Variants in UBE3D observed in about 807,000 individuals in gnomAD.
UBE3D encodes the protein E3 ubiquitin-protein ligase E3D.
In UBE3D, 48 loss-of-function variants were observed where a neutral mutation model predicts 49.6. The observed-to-expected ratio is 0.97, with a 90% CI of 0.77 to 1.23. The LOEUF (loss-of-function observed/expected upper bound fraction) is 1.23, where lower values mean the gene tolerates loss of function less well. UBE3D is among the 50% of genes most tolerant of loss of function. The pLI is 0.00. For missense variants in UBE3D, 452 were observed against 468.4 expected (o/e 0.96, Z 0.32); for synonymous variants, 189 against 174.2 (o/e 1.08, Z -0.67).
At chr6:83,032,153 G>T in intron 5 of UBE3D, 1 of 455,326 alleles carries the variant, frequency 2.2e-6, no homozygotes. Context: ...ACCCCAGAAT[G>T]ATAGATCCAT....
intron 1 of UBE3D, among the ~76,000 whole-genome samples, chr6:83,058,276 G>C (rs773044080): frequency 1.3e-5 from 2 of 152,104 alleles, no homozygotes; most frequent in Non-Finnish European, 2.9e-5. Flanking sequence ...CTTCTGAGAA[G>C]AGCACTAAAA....
At chr6:82,974,794 A>AT (rs1199991832) in intron 8 of UBE3D, among the ~76,000 whole-genome samples, 1 of 151,598 alleles carries the variant, frequency 6.6e-6, no homozygotes, top group East Asian at 1.9e-4. Context: ...AAAAAAAAAA[A>AT]ACTTGTACTC....
At position 82,937,602 on chromosome 6, in the gene UBE3D, G is replaced by A. The variant is rs545296440; in HGVS notation, c.1149+19710C>T. 8.5e-4 allele frequency among the ~76,000 whole-genome samples: 130 copies of A among 152,254 alleles called. 1 individual carries two copies. The highest frequency in any genetic ancestry group is 3.1e-3 in the African/African-American group (129 of 41,568). Reference sequence around the variant, plus strand: ...TCACATTTTAGAAATCTTTCTTGGAGTAACTATACTTATAAGTAAAATACA... The same window carrying A: ...TCACATTTTAGAAATCTTTCTTGGAATAACTATACTTATAAGTAAAATACA... On this transcript the variant is annotated intron_variant, in intron 9 of 9. Coordinates refer to ENST00000369747, the MANE Select transcript of UBE3D (RefSeq NM_198920.3).
chr6:82,913,819 T>G (rs1272757128), intron 9 of UBE3D, among the ~76,000 whole-genome samples: 1 of 152,224 alleles, frequency 6.6e-6, no homozygotes, highest in African/African-American at 2.4e-5. Flanking sequence ...CATATAAGTA[T>G]GTCAATATTG....
chr6:82,975,197 T>G (rs1473336107), intron 8 of UBE3D, among the ~76,000 whole-genome samples: 1 of 152,128 alleles, frequency 6.6e-6, no homozygotes, highest in African/African-American at 2.4e-5. Flanking sequence ...CCTAATTACT[T>G]ACAATATCAA....
chr6:82,995,863 T>TG (rs796914021), intron 8 of UBE3D, among the ~76,000 whole-genome samples: 34 of 152,210 alleles, frequency 2.2e-4, no homozygotes, highest in African/African-American at 7.9e-4. Context: ...GGTCAGGACT[T>TG]GGAGACCAGC....
chr6:82,973,892 T>C (rs969339480), intron 8 of UBE3D, among the ~76,000 whole-genome samples: 1 of 152,112 alleles, frequency 6.6e-6, no homozygotes, highest in African/African-American at 2.4e-5. Flanking sequence ...CTGAACCCTA[T>C]TGTGAACTGT....
intron 5 of UBE3D, among the ~76,000 whole-genome samples, chr6:83,024,678 C>T (rs1245925213): frequency 6.6e-6 from 1 of 152,026 alleles, no homozygotes; most frequent in Non-Finnish European, 1.5e-5. Flanking sequence ...ATTGGAAGGC[C>T]ACAGTGATGT....
chr6:83,027,430 G>A (rs1336222966), intron 5 of UBE3D, among the ~76,000 whole-genome samples: 19 of 10,808 alleles, frequency 1.8e-3, no homozygotes, highest in Admixed American at 3.0e-3. Context: ...GCGAGACTCC[G>A]TCTCAAAAAA....
chr6:82,892,674 TC>T lies in UBE3D; in HGVS notation c.*347del. On this transcript the variant is annotated 3_prime_UTR_variant, in exon 10 of 10. Transcript: ENST00000369747. ...CCACCAATAAAATTCCTCACTGGAT[TC>T]CACACAGGACAGATGGATCTCCATT... The T allele has an allele frequency of 4.2e-6, 1 of 238,724 alleles. No individual in the cohort carries two copies. Among genetic ancestry groups the T allele is most frequent in the East Asian group, 1.0e-4 (1 of 9,918 alleles). The allele number at this position is 238,724 out of a possible 1,614,324, so 14.8% of individuals were successfully genotyped here. A position where few individuals can be genotyped will look rare whatever the true frequency, so the allele number is the denominator to read the frequency against.
chr6:82,902,018 T>G (rs1339179450), intron 9 of UBE3D, among the ~76,000 whole-genome samples: 1 of 152,224 alleles, frequency 6.6e-6, no homozygotes, highest in Non-Finnish European at 1.5e-5. Context: ...GGCATATGAC[T>G]AGACTGTGGC....
chr6:82,988,074 G>A (rs1778643628), intron 8 of UBE3D, among the ~76,000 whole-genome samples: 1 of 152,166 alleles, frequency 6.6e-6, no homozygotes, highest in Non-Finnish European at 1.5e-5. Context: ...CTCATATTTA[G>A]TAAAAGTATG....
chr6:83,052,405 C>A (rs1783527835), intron 3 of UBE3D, among the ~76,000 whole-genome samples: 1 of 152,134 alleles, frequency 6.6e-6, no homozygotes, highest in Non-Finnish European at 1.5e-5. Flanking sequence ...GGCAAATAAA[C>A]CTTAGACGAA....
chr6:83,005,086 C>T (rs574448648), intron 8 of UBE3D, among the ~76,000 whole-genome samples: 1 of 152,162 alleles, frequency 6.6e-6, no homozygotes, highest in African/African-American at 2.4e-5. Context: ...GCAAATCATA[C>T]ATCTCATAAG....
Position 82,957,438 on chromosome 6 carries a change from C to A in UBE3D, c.1023G>T (p.Leu341Phe), listed in dbSNP as rs767801320. ...GGTGGACGCTGATGTCACTTTCCCACAAGCTGACAAGTCTGGAACACACCA... is the reference window on the plus strand; with the variant it reads ...GGTGGACGCTGATGTCACTTTCCCAAAAGCTGACAAGTCTGGAACACACCA... Reference protein sequence around the residue: ...IKSRNEKLVSLWESDISVHPL... With the variant: ...IKSRNEKLVSFWESDISVHPL... The change falls in exon 9 of 10, where the codon TTG becomes TTT. Residue 341 changes from leucine to phenylalanine, a missense_variant. Leu to Phe is a conservative substitution (Grantham distance 22). Coordinates refer to ENST00000369747, the MANE Select transcript of UBE3D (RefSeq NM_198920.3). 1 of 1,613,908 alleles carries A rather than the reference C, an allele frequency of 6.2e-7. No homozygotes were observed. Among genetic ancestry groups the A allele is most frequent in the East Asian group, 2.2e-5 (1 of 44,868 alleles).
At chr6:82,915,428 T>C (rs879696537) in intron 9 of UBE3D, among the ~76,000 whole-genome samples, 5 of 152,168 alleles carry the variant, frequency 3.3e-5, no homozygotes, top group Non-Finnish European at 5.9e-5. Flanking sequence ...AATTCGAGTA[T>C]AAATATTAAA....
chr6:83,038,291 T>C (rs1782412380), intron 5 of UBE3D, 125 bp downstream of exon 5: 1 of 768,348 alleles, frequency 1.3e-6, no homozygotes, highest in African/African-American at 1.8e-5. Context: ...GGGGTCTATT[T>C]TGAAAAGCAC....
downstream of UBE3D, among the ~76,000 whole-genome samples, chr6:82,892,130 T>A (rs1257923569): frequency 6.6e-5 from 10 of 152,292 alleles, no homozygotes; most frequent in Non-Finnish European, 1.5e-4. Context: ...TATTTGCAAA[T>A]CCACAGACTG....
At chr6:82,996,845 T>A (rs564869328) in intron 8 of UBE3D, among the ~76,000 whole-genome samples, 4 of 152,154 alleles carry the variant, frequency 2.6e-5, no homozygotes, top group Non-Finnish European at 4.4e-5. Context: ...AAAGGAGATA[T>A]GACAAATTAA....
Sources: gnomAD v4.1 joint callset for allele counts (sites outside exome capture counted in the v4.1 genomes callset) on GRCh38, gnomAD v4.1.1 for gene constraint, MANE v1.5 for transcripts, NCBI Gene and HGNC (gene_info 2026-07-23, HGNC 2026-07-21) for gene names.